CHD7: variants seen among roughly 807,000 people sequenced by gnomAD.
CHD7 encodes ATP-dependent chromatin remodeler CHD7.
A neutral mutation model predicts 307.3 loss-of-function variants in CHD7; 24 were observed. The observed-to-expected ratio is 0.08, with a 90% CI of 0.06 to 0.11. The LOEUF (loss-of-function observed/expected upper bound fraction) is 0.11, where lower values mean the gene tolerates loss of function less well. Among genes scored for constraint, CHD7 ranks in the 10% least tolerant of loss-of-function variants. CHD7 has a pLI of 1.00. For missense variants in CHD7, 3,106 were observed against 3,727.1 expected (o/e 0.83, Z 4.34); for synonymous variants, 1,363 against 1,349.9 (o/e 1.01, Z -0.21).
At chr8:60,828,954 T>G (rs185643918) in intron 14 of CHD7, 148 bp downstream of exon 14, 3 of 691,640 alleles carry the variant, frequency 4.3e-6, no homozygotes, top group East Asian at 5.5e-5. Context: ...CCTTGGACTT[T>G]CCAGGTCATC....
intron 1 of CHD7, chr8:60,679,568 G>C (rs1385060660): frequency 6.7e-6 from 1 of 148,176 alleles, no homozygotes; most frequent in Non-Finnish European, 1.5e-5. Flanking sequence ...GAAAAGTTGG[G>C]CTCCAACTCA....
At chr8:60,856,291 T>C in intron 33 of CHD7, 89 bp downstream of exon 33, 4 of 1,271,122 alleles carry the variant, frequency 3.1e-6, no homozygotes, top group Non-Finnish European at 4.3e-6. Flanking sequence ...CTGGCCTTGC[T>C]TAGAAATAAG....
At chr8:60,843,005 C>G (rs1363339947) in intron 21 of CHD7, among the ~76,000 whole-genome samples, 2 of 152,204 alleles carry the variant, frequency 1.3e-5, no homozygotes, top group African/African-American at 4.8e-5. Context: ...TACCTCCCTT[C>G]TGCTCTCCGT....
At chr8:60,718,444 C>T (rs1004749665) in intron 1 of CHD7, among the ~76,000 whole-genome samples, 1 of 149,424 alleles carries the variant, frequency 6.7e-6, no homozygotes, top group African/African-American at 2.5e-5. Context: ...CATTGCACTC[C>T]AGCATGGGAG....
At chr8:60,716,672 CTTAT>C (rs1250490649) in intron 1 of CHD7, among the ~76,000 whole-genome samples, 4 of 152,164 alleles carry the variant, frequency 2.6e-5, no homozygotes, top group Non-Finnish European at 5.9e-5. Context: ...TAGTTATTTA[CTTAT>C]TTATTTTGTT....
At chr8:60,697,707 T>G (rs1052032450) in intron 1 of CHD7, among the ~76,000 whole-genome samples, 2 of 152,226 alleles carry the variant, frequency 1.3e-5, no homozygotes, top group Non-Finnish European at 2.9e-5. Context: ...CAGTTTGCAG[T>G]CACCTGTATT....
Position 60,749,365 on chromosome 8 carries a change from T to G in CHD7, c.1665+6268T>G, listed in dbSNP as rs530157765. Among the ~76,000 whole-genome samples, 177 of 34,146 alleles carry G rather than the reference T, an allele frequency of 5.2e-3. 1 individual carries two copies. The highest frequency in any genetic ancestry group is 0.021 in the African/African-American group (167 of 8,042). The allele number at this position is 34,146 out of a possible 152,430, so 22.4% of individuals were successfully genotyped here. A position where few individuals can be genotyped will look rare whatever the true frequency, so the allele number is the denominator to read the frequency against. The stretch of plus-strand genomic sequence containing the variant: ...CAGCCTGGTCAACAGAGCAAGACTC[T>G]GTATCAAAAAAAAAAAAAAAAAAAA... On this transcript the variant is annotated intron_variant, in intron 2 of 37. Coordinates refer to ENST00000423902, the MANE Select transcript of CHD7 (RefSeq NM_017780.4).
intron 1 of CHD7, among the ~76,000 whole-genome samples, chr8:60,700,981 G>C (rs550857236): frequency 6.6e-6 from 1 of 152,310 alleles, no homozygotes; most frequent in Admixed American, 6.5e-5. Flanking sequence ...CTCAGGTTTT[G>C]AGCTGAGTGA....
intron 32 of CHD7, chr8:60,855,346 CA>C (rs1216388104): frequency 6.6e-6 from 1 of 152,516 alleles, no homozygotes; most frequent in Non-Finnish European, 1.5e-5. Flanking sequence ...GTTATAGTAG[CA>C]GGCACTTTTA....
intron 1 of CHD7, among the ~76,000 whole-genome samples, chr8:60,740,132 G>A (rs144885069): frequency 6.6e-6 from 1 of 152,300 alleles, no homozygotes; most frequent in East Asian, 1.9e-4. Context: ...GGATCTGTTA[G>A]GAAGAGTTTG....
Position 60,854,533 on chromosome 8 carries a change from T to C in CHD7, c.6936+10T>C. On this transcript the variant is annotated intron_variant, in intron 32 of 37. Coordinates refer to ENST00000423902, the MANE Select transcript of CHD7 (RefSeq NM_017780.4). ...CTCGTTTTGGCCTAAGGTTGGCAGGTTTTTGTTGCTGTTGTTTTGCTGACC... is the reference window on the plus strand; with the variant it reads ...CTCGTTTTGGCCTAAGGTTGGCAGGCTTTTGTTGCTGTTGTTTTGCTGACC... 5 of 1,578,120 alleles carry C rather than the reference T, an allele frequency of 3.2e-6. No individual in the cohort carries two copies. Among genetic ancestry groups the C allele is most frequent in the Non-Finnish European group, 4.3e-6 (5 of 1,156,686 alleles).
chr8:60,846,949 C>T (rs1798411692), intron 23 of CHD7, among the ~76,000 whole-genome samples: 1 of 152,184 alleles, frequency 6.6e-6, no homozygotes, highest in African/African-American at 2.4e-5. Flanking sequence ...CCATTACCTC[C>T]AACCCTTTTG....
chr8:60,824,103 A>G (rs1175555475), intron 13 of CHD7, 87 bp downstream of exon 13: 7 of 1,144,034 alleles, frequency 6.1e-6, no homozygotes, highest in African/African-American at 1.5e-5. Context: ...TGATGCCTGT[A>G]AACAGTATTT....
chr8:60,693,082 G>T (rs1433112351), intron 1 of CHD7, among the ~76,000 whole-genome samples: 1 of 152,178 alleles, frequency 6.6e-6, no homozygotes, highest in Non-Finnish European at 1.5e-5. Context: ...CTGCGCTGGT[G>T]GTGTCAGGTC....
At chr8:60,814,301 A>G (rs1341059972) in intron 7 of CHD7, among the ~76,000 whole-genome samples, 1 of 152,228 alleles carries the variant, frequency 6.6e-6, no homozygotes, top group African/African-American at 2.4e-5. Context: ...GCTTGTGTCC[A>G]GTTCAAGGCT....
At chr8:60,712,819 T>G (rs1807349882) in intron 1 of CHD7, among the ~76,000 whole-genome samples, 1 of 151,092 alleles carries the variant, frequency 6.6e-6, no homozygotes, top group South Asian at 2.1e-4. Context: ...GGAGGCTGAG[T>G]GGGGAGGATC....
At chr8:60,707,155 T>TA (rs1807063901) in intron 1 of CHD7, among the ~76,000 whole-genome samples, 1 of 152,174 alleles carries the variant, frequency 6.6e-6, no homozygotes, top group African/African-American at 2.4e-5. Flanking sequence ...GAATATGATA[T>TA]AAAATCTGAT....
chr8:60,816,113 G>GTCTCTCTCTCTCTCTCTC (rs201056061), intron 7 of CHD7, among the ~76,000 whole-genome samples: 38 of 139,302 alleles, frequency 2.7e-4, no homozygotes, highest in Non-Finnish European at 3.4e-4. Flanking sequence ...CTGTCTGTCT[G>GTCTCTCTCTCTCTCTCTC]TCTCTCTCTC....
chr8:60,732,128 A>G (rs180868413), intron 1 of CHD7, among the ~76,000 whole-genome samples: 11 of 152,340 alleles, frequency 7.2e-5, no homozygotes, highest in Admixed American at 7.2e-4. Context: ...AAAGAATGTC[A>G]GTGGTGTATA....
Sources: gnomAD v4.1 joint callset for allele counts (sites outside exome capture counted in the v4.1 genomes callset) on GRCh38, gnomAD v4.1.1 for gene constraint, MANE v1.5 for transcripts, NCBI Gene and HGNC (gene_info 2026-07-23, HGNC 2026-07-21) for gene names.